The following OR2C1 variants were observed in gnomAD, a reference collection of about 807,000 sequenced individuals.
OR2C1 encodes olfactory receptor family 2 subfamily C member 1.
For missense variants in OR2C1, 468 were observed against 388.3 expected (o/e 1.21, Z -1.73); for synonymous variants, 209 against 167.3 (o/e 1.25, Z -1.92).
the OR2C1 span, among the ~76,000 whole-genome samples, chr16:3,347,961 A>G: frequency 2.0e-5 from 3 of 152,188 alleles, no homozygotes; most frequent in Non-Finnish European, 4.4e-5. Flanking sequence ...CCCTAATTAA[A>G]TGGATAAATA....
In OR2C1 at chr16:3,356,149, A is replaced by T. The variant is rs773985310; in HGVS notation, c.209A>T (p.Asp70Val). 1.2e-6 allele frequency: 2 copies of T among 1,614,094 alleles called. No individual in the cohort carries two copies. Among genetic ancestry groups the T allele is most frequent in the Non-Finnish European group, 1.7e-6 (2 of 1,180,014 alleles). The change falls in exon 1 of 1, where the codon GAC (aspartate) becomes GTC (valine). Residue 70 changes from aspartate (D) to valine (V), a missense_variant. Asp to Val is a radical substitution (Grantham distance 152). Transcript: ENST00000304936. The stretch of plus-strand genomic sequence containing the variant: ...TTCCTCAGCAACCTCTCCTCCTTGG[A>T]CCTTGCTTTCGCTACTAGTTCAGTC... ...YFFLSNLSSL[D>V]LAFATSSVPQ...
At chr16:3,336,331 A>C in the OR2C1 span, among the ~76,000 whole-genome samples, 1 of 152,094 alleles carries the variant, frequency 6.6e-6, no homozygotes, top group East Asian at 1.9e-4. Context: ...TATGTTCATC[A>C]GGAATATTGG....
chr16:3,332,321 C>T, the OR2C1 span, among the ~76,000 whole-genome samples: 1 of 151,660 alleles, frequency 6.6e-6, no homozygotes, highest in Non-Finnish European at 1.5e-5. Flanking sequence ...GTCTTGAATT[C>T]CTGGACTCAA....
chr16:3,346,725 G>A, the OR2C1 span, among the ~76,000 whole-genome samples: 1 of 148,720 alleles, frequency 6.7e-6, no homozygotes, highest in Admixed American at 6.8e-5. Context: ...TGCCTCCTGG[G>A]TTCAATCAAT....
At chr16:3,355,123 T>A (rs914419494), upstream of OR2C1, among the ~76,000 whole-genome samples, 1 of 152,058 alleles carries the variant, frequency 6.6e-6, no homozygotes, top group Non-Finnish European at 1.5e-5. Flanking sequence ...GGAATCAACT[T>A]TTCCATTCGG....
At chr16:3,328,024 TCTA>T in the OR2C1 span, among the ~76,000 whole-genome samples, 1 of 152,226 alleles carries the variant, frequency 6.6e-6, no homozygotes, top group Admixed American at 6.5e-5. Flanking sequence ...ATATCCCTAT[TCTA>T]CTTTCTTCCT....
At chr16:3,333,482 C>G in the OR2C1 span, among the ~76,000 whole-genome samples, 1 of 151,898 alleles carries the variant, frequency 6.6e-6, no homozygotes, top group African/African-American at 2.4e-5. Flanking sequence ...ACTACAGGCA[C>G]CCACTACCGC....
the OR2C1 span, among the ~76,000 whole-genome samples, chr16:3,338,638 C>A: frequency 2.0e-5 from 3 of 149,730 alleles, no homozygotes; most frequent in African/African-American, 7.5e-5. Context: ...TGCGGGTTCA[C>A]GCCATTCCCC....
At chr16:3,351,216 T>TTTTC (rs1567284919), upstream of OR2C1, among the ~76,000 whole-genome samples, 14 of 7,674 alleles carry the variant, frequency 1.8e-3, no homozygotes, top group African/African-American at 6.0e-3. Flanking sequence ...CTTTTTTTCT[T>TTTTC]TTTCTTTTTC....
chr16:3,336,322 A>T, the OR2C1 span, among the ~76,000 whole-genome samples: 7 of 151,920 alleles, frequency 4.6e-5, no homozygotes, highest in African/African-American at 1.7e-4. Context: ...GAGAATTTTT[A>T]TGTTCATCAG....
the OR2C1 span, among the ~76,000 whole-genome samples, chr16:3,327,324 A>G: frequency 1.3e-5 from 2 of 152,082 alleles, no homozygotes; most frequent in African/African-American, 4.8e-5. Context: ...TTTCACCCTT[A>G]AATAGTTCAG....
chr16:3,323,848 G>A, the OR2C1 span: 2 of 1,348,674 alleles, frequency 1.5e-6, no homozygotes, highest in Non-Finnish European at 2.1e-6. Context: ...GAGTGGCTTT[G>A]AGGACTTGAT....
chr16:3,327,197 C>T, the OR2C1 span, among the ~76,000 whole-genome samples: 1 of 152,044 alleles, frequency 6.6e-6, no homozygotes, highest in Non-Finnish European at 1.5e-5. Flanking sequence ...CCTTAAAAAT[C>T]ACCAACATTT....
chr16:3,338,499 G>C, the OR2C1 span, among the ~76,000 whole-genome samples: 4 of 150,718 alleles, frequency 2.7e-5, no homozygotes, highest in African/African-American at 9.8e-5. Flanking sequence ...TCTTGGTTTT[G>C]GTTTTCTGTG....
At chr16:3,329,117 AG>A in the OR2C1 span, among the ~76,000 whole-genome samples, 3 of 150,064 alleles carry the variant, frequency 2.0e-5, no homozygotes, top group African/African-American at 7.4e-5. Context: ...GTAAGCAGAA[AG>A]ATCAGAAAGA....
the OR2C1 span, among the ~76,000 whole-genome samples, chr16:3,347,357 T>A: frequency 6.6e-6 from 1 of 151,466 alleles, no homozygotes; most frequent in African/African-American, 2.4e-5. Flanking sequence ...ATTGCACCAC[T>A]GCACTCCAGC....
At chr16:3,333,175 CTTCATTTGAG>C in the OR2C1 span, among the ~76,000 whole-genome samples, 1 of 66,810 alleles carries the variant, frequency 1.5e-5, no homozygotes, top group African/African-American at 5.1e-5. Context: ...ATATTTATGT[CTTCATTTGAG>C]AAATGTGTAT....
At chr16:3,344,265 A>G in the OR2C1 span, among the ~76,000 whole-genome samples, 1 of 152,188 alleles carries the variant, frequency 6.6e-6, no homozygotes, top group Non-Finnish European at 1.5e-5. Context: ...AAACAAGAAA[A>G]ACAGAAAAAT....
chr16:3,330,365 CT>C, the OR2C1 span, among the ~76,000 whole-genome samples: 1 of 151,880 alleles, frequency 6.6e-6, no homozygotes, highest in Non-Finnish European at 1.5e-5. Flanking sequence ...ATCCACCCGC[CT>C]CAGCCTCCCG....
Sources: allele counts gnomAD v4.1 joint callset (sites outside exome capture counted in the v4.1 genomes callset), GRCh38; gene constraint gnomAD v4.1.1; transcripts MANE v1.5; gene names NCBI Gene and HGNC (gene_info 2026-07-23, HGNC 2026-07-21).